ZMAT4: variants seen among roughly 807,000 people sequenced by gnomAD.
ZMAT4 encodes zinc finger matrin-type 4, also known as zinc finger matrin-type protein 4.
Under a neutral mutation model 28.7 loss-of-function variants are expected in ZMAT4, and 17 were observed. The observed-to-expected ratio is 0.59, with a 90% CI of 0.41 to 0.89. ZMAT4 has a LOEUF of 0.89. ZMAT4 is among the 40% of genes least tolerant of loss of function. ZMAT4 has a pLI of 0.00. For synonymous variants in ZMAT4, 117 were observed against 109.2 expected (o/e 1.07, Z -0.44); for missense variants, 240 against 283.8 (o/e 0.85, Z 1.11).
intron 5 of ZMAT4, among the ~76,000 whole-genome samples, chr8:40,634,545 T>G (rs1469974528): frequency 1.3e-5 from 2 of 152,214 alleles, no homozygotes; most frequent in African/African-American, 4.8e-5. Flanking sequence ...GAAATTTAAA[T>G]GTAAGCCAAA....
chr8:40,876,554 A>T (rs1563260354), intron 1 of ZMAT4, among the ~76,000 whole-genome samples: 1 of 152,182 alleles, frequency 6.6e-6, no homozygotes, highest in Non-Finnish European at 1.5e-5. Context: ...GGGCTCAAGA[A>T]ATCCTACCAC....
At chr8:40,739,567 G>T (rs1423418799) in intron 3 of ZMAT4, among the ~76,000 whole-genome samples, 1 of 152,162 alleles carries the variant, frequency 6.6e-6, no homozygotes, top group Non-Finnish European at 1.5e-5. Flanking sequence ...AGGAAGAAAA[G>T]AGCTGACATA....
chr8:40,633,582 A>T (rs1458562032), intron 5 of ZMAT4, among the ~76,000 whole-genome samples: 2 of 152,184 alleles, frequency 1.3e-5, no homozygotes, highest in Non-Finnish European at 2.9e-5. Flanking sequence ...GCTACCCTGC[A>T]CCAACCTGGA....
chr8:40,640,015 ACT>A (rs1346253768), intron 5 of ZMAT4, among the ~76,000 whole-genome samples: 3 of 152,070 alleles, frequency 2.0e-5, no homozygotes, highest in African/African-American at 7.2e-5. Flanking sequence ...CATAGGTCTC[ACT>A]CTGTCACCCT....
intron 2 of ZMAT4, among the ~76,000 whole-genome samples, chr8:40,810,949 A>C (rs1815290480): frequency 6.6e-6 from 1 of 152,180 alleles, no homozygotes; most frequent in Non-Finnish European, 1.5e-5. Flanking sequence ...AATTAAGAAA[A>C]TACAATTTAA....
At chr8:40,532,587 A>G (rs781638973) in intron 6 of ZMAT4, among the ~76,000 whole-genome samples, 1 of 152,214 alleles carries the variant, frequency 6.6e-6, no homozygotes. Flanking sequence ...GTATAACTAC[A>G]TGCAGAACCC....
At chr8:40,758,589 G>A (rs1018624924) in intron 3 of ZMAT4, among the ~76,000 whole-genome samples, 2 of 151,944 alleles carry the variant, frequency 1.3e-5, no homozygotes, top group African/African-American at 4.8e-5. Flanking sequence ...TTCTGTCTGT[G>A]GTCTTTTCCA....
intron 1 of ZMAT4, among the ~76,000 whole-genome samples, chr8:40,837,238 T>C (rs1816527718): frequency 6.6e-6 from 1 of 152,216 alleles, no homozygotes; most frequent in Admixed American, 6.5e-5. Flanking sequence ...AACCTGCTGT[T>C]TGATCTAACC....
chr8:40,565,764 T>TG (rs1803902783), intron 6 of ZMAT4, among the ~76,000 whole-genome samples: 1 of 151,458 alleles, frequency 6.6e-6, no homozygotes, highest in South Asian at 2.1e-4. Context: ...CTACCTTTTT[T>TG]TTTTTTTTTA....
intron 3 of ZMAT4, among the ~76,000 whole-genome samples, chr8:40,735,581 T>C (rs1811730521): frequency 6.6e-6 from 1 of 152,180 alleles, no homozygotes; most frequent in African/African-American, 2.4e-5. Flanking sequence ...TGAGAGCTGG[T>C]TTCAGGAATT....
At chr8:40,796,249 C>T (rs1192664803) in intron 2 of ZMAT4, among the ~76,000 whole-genome samples, 1 of 152,270 alleles carries the variant, frequency 6.6e-6, no homozygotes, top group South Asian at 2.1e-4. Flanking sequence ...GAGAGGAAAC[C>T]GGCCCCACCG....
chr8:40,563,619 C>T (rs1351622438), intron 6 of ZMAT4, among the ~76,000 whole-genome samples: 1 of 152,160 alleles, frequency 6.6e-6, no homozygotes, highest in Non-Finnish European at 1.5e-5. Context: ...CAGATAAGAA[C>T]ATGAAATGTT....
At chr8:40,641,511 A>AT (rs912013539) in intron 5 of ZMAT4, among the ~76,000 whole-genome samples, 1 of 152,176 alleles carries the variant, frequency 6.6e-6, no homozygotes, top group Non-Finnish European at 1.5e-5. Context: ...TTATTCTTTT[A>AT]TTTTTTAAGC....
intron 4 of ZMAT4, among the ~76,000 whole-genome samples, chr8:40,679,495 C>T (rs550527505): frequency 2.6e-5 from 4 of 152,084 alleles, no homozygotes; most frequent in Non-Finnish European, 5.9e-5. Flanking sequence ...GAAGAAAACA[C>T]GTCCTTCTTC....
chr8:40,710,934 C>T (rs1321862139), intron 3 of ZMAT4, among the ~76,000 whole-genome samples: 1 of 152,018 alleles, frequency 6.6e-6, no homozygotes, highest in Non-Finnish European at 1.5e-5. Flanking sequence ...GCACGTGCCA[C>T]CACACCCAGA....
chr8:40,791,061 G>A (rs984168748), intron 2 of ZMAT4, among the ~76,000 whole-genome samples: 1 of 152,314 alleles, frequency 6.6e-6, no homozygotes. Flanking sequence ...AAAAGATGCT[G>A]AAGCAACTGG....
chr8:40,669,679 T>C (rs929860869), intron 5 of ZMAT4, among the ~76,000 whole-genome samples: 4 of 152,208 alleles, frequency 2.6e-5, no homozygotes, highest in African/African-American at 7.2e-5. Context: ...CCACAAAATA[T>C]GTGTTAATCA....
At chr8:40,685,871 A>G (rs1381317582) in intron 4 of ZMAT4, among the ~76,000 whole-genome samples, 2 of 152,164 alleles carry the variant, frequency 1.3e-5, no homozygotes, top group African/African-American at 4.8e-5. Flanking sequence ...TAGACACTCA[A>G]AGACTCCAGA....
At chr8:40,788,882 A>G (rs4599796) in intron 2 of ZMAT4, among the ~76,000 whole-genome samples, 44,556 of 151,256 alleles carry the variant, frequency 0.29, 6,686 homozygotes, top group East Asian at 0.37. Flanking sequence ...TCATGACCAA[A>G]GGATATTTGT....
Sources: gnomAD v4.1 joint callset for allele counts (sites outside exome capture counted in the v4.1 genomes callset) on GRCh38, gnomAD v4.1.1 for gene constraint, MANE v1.5 for transcripts, NCBI Gene and HGNC (gene_info 2026-07-23, HGNC 2026-07-21) for gene names.